EXOC6B: variants seen among roughly 807,000 people sequenced by gnomAD.
EXOC6B encodes SEC15 homolog B.
A neutral mutation model predicts 113.5 loss-of-function variants in EXOC6B; 54 were observed. The ratio of observed to expected loss-of-function variants is 0.48; its 90% CI spans 0.38 to 0.60. EXOC6B has a LOEUF of 0.60. EXOC6B is among the 20% of genes least tolerant of loss of function. EXOC6B has a pLI of 0.00. For synonymous variants in EXOC6B, 357 were observed against 339.0 expected (o/e 1.05, Z -0.58); for missense variants, 797 against 977.5 (o/e 0.82, Z 2.46).
chr2:72,696,588 G>A (rs143409077), intron 6 of EXOC6B, among the ~76,000 whole-genome samples: 318 of 152,278 alleles, frequency 2.1e-3, no homozygotes, highest in Non-Finnish European at 3.7e-3. Flanking sequence ...TGGAGACTGG[G>A]TTTGAAGAGG....
At chr2:72,534,736 G>A (rs1702188202) in intron 8 of EXOC6B, among the ~76,000 whole-genome samples, 1 of 152,076 alleles carries the variant, frequency 6.6e-6, no homozygotes, top group Non-Finnish European at 1.5e-5. Context: ...TGCAATTGCT[G>A]TCACTATAAG....
At chr2:72,461,097 C>G (rs983125622) in intron 18 of EXOC6B, among the ~76,000 whole-genome samples, 6 of 150,832 alleles carry the variant, frequency 4.0e-5, no homozygotes, top group Non-Finnish European at 7.4e-5. Context: ...TCTCAGTAAA[C>G]TATGGCAAGG....
At chr2:72,587,827 C>T (rs565143863) in intron 6 of EXOC6B, among the ~76,000 whole-genome samples, 8 of 150,788 alleles carry the variant, frequency 5.3e-5, no homozygotes, top group African/African-American at 1.7e-4. Flanking sequence ...AATGCAACAA[C>T]AACAACAAAA....
intron 8 of EXOC6B, among the ~76,000 whole-genome samples, chr2:72,541,591 A>G (rs1385831342): frequency 2.0e-5 from 3 of 152,202 alleles, no homozygotes; most frequent in Admixed American, 6.5e-5. Context: ...ATGGAAATGT[A>G]CAGGTTTTCT....
intron 8 of EXOC6B, among the ~76,000 whole-genome samples, chr2:72,520,142 A>G (rs1316628424): frequency 6.6e-6 from 1 of 152,306 alleles, no homozygotes; most frequent in South Asian, 2.1e-4. Context: ...TCCATGAGAA[A>G]AAGTCTCAGT....
At chr2:72,226,375 G>A (rs1438072347) in intron 20 of EXOC6B, among the ~76,000 whole-genome samples, 2 of 152,078 alleles carry the variant, frequency 1.3e-5, no homozygotes, top group South Asian at 2.1e-4. Flanking sequence ...GGGCACACAG[G>A]CACTCTTAAA....
chr2:72,401,582 CATATATAT>C lies in EXOC6B; in HGVS notation c.1981-21720_1981-21713del, dbSNP rs1197072759. On this transcript the variant is annotated intron_variant, in intron 18 of 21. Coordinates refer to ENST00000272427, the MANE Select transcript of EXOC6B (RefSeq NM_015189.3). ...ATATATATACATATATATATATATA[CATATATAT>C]ATATATATATATGTGTATATATATA... is the stretch of plus-strand genomic sequence containing the variant. 1.4e-3 allele frequency among the ~76,000 whole-genome samples: 25 copies of C among 18,434 alleles called. 1 individual carries two copies. Among genetic ancestry groups the C allele is most frequent in the East Asian group, 2.8e-3 (2 of 710 alleles). The allele number at this position is 18,434 out of a possible 152,430, so 12.1% of individuals were successfully genotyped here.
At chr2:72,307,161 G>GTTTTTTTTTTTTTTTT (rs1553371308) in intron 20 of EXOC6B, among the ~76,000 whole-genome samples, 2 of 128,494 alleles carry the variant, frequency 1.6e-5, no homozygotes, top group African/African-American at 7.6e-5. Context: ...GTATAGTCCA[G>GTTTTTTTTTTTTTTTT]TTTTTTTTTT....
chr2:72,512,562 G>T (rs1328119645), intron 11 of EXOC6B, among the ~76,000 whole-genome samples: 1 of 151,946 alleles, frequency 6.6e-6, no homozygotes, highest in East Asian at 1.9e-4. Context: ...AGAACATTGG[G>T]CAGCTTAATA....
chr2:72,390,743 G>A (rs189166575), intron 18 of EXOC6B, among the ~76,000 whole-genome samples: 179 of 152,224 alleles, frequency 1.2e-3, no homozygotes, highest in Non-Finnish European at 2.1e-3. Context: ...CTTCAGTTCA[G>A]TGGGGCCTTC....
At chr2:72,591,691 C>T (rs1705975348) in intron 6 of EXOC6B, among the ~76,000 whole-genome samples, 1 of 152,152 alleles carries the variant, frequency 6.6e-6, no homozygotes, top group East Asian at 1.9e-4. Flanking sequence ...GGTTCCTATA[C>T]ATCCTCCTAA....
rs572386563 is a variant in EXOC6B, at chr2:72,367,111, T to C, written c.2122+12618A>G. On this transcript the variant is annotated intron_variant, in intron 19 of 21. Transcript: ENST00000272427. ...ATAATGTATTGTGGGGTTTATAGAC[T>C]ATGTAGAAGTAATATGTATAACAAC... Among the ~76,000 whole-genome samples the C allele has an allele frequency of 2.7e-4, 41 of 152,262 alleles. No homozygotes were observed. In the South Asian group the frequency reaches 5.4e-3, roughly 20 times the overall value.
intron 20 of EXOC6B, among the ~76,000 whole-genome samples, chr2:72,189,550 G>T (rs1333848876): frequency 1.3e-5 from 2 of 152,114 alleles, no homozygotes; most frequent in Non-Finnish European, 2.9e-5. Context: ...ATCCAGTGAG[G>T]ATTCTTGCCT....
chr2:72,655,988 T>C (rs1252275459), intron 6 of EXOC6B, among the ~76,000 whole-genome samples: 1 of 152,116 alleles, frequency 6.6e-6, no homozygotes, highest in Non-Finnish European at 1.5e-5. Context: ...AAATTAGAAA[T>C]AGAATGTAAT....
intron 6 of EXOC6B, among the ~76,000 whole-genome samples, chr2:72,711,898 T>G (rs1480585322): frequency 6.6e-6 from 1 of 152,118 alleles, no homozygotes; most frequent in Non-Finnish European, 1.5e-5. Flanking sequence ...AGTGAACAAC[T>G]TGAAGTTTAT....
At chr2:72,613,942 T>TGTA (rs1671233575) in intron 6 of EXOC6B, among the ~76,000 whole-genome samples, 2 of 152,178 alleles carry the variant, frequency 1.3e-5, no homozygotes, top group South Asian at 4.1e-4. Context: ...GAAATTCAAA[T>TGTA]TTCAGTGTAT....
At chr2:72,428,288 C>G (rs970419441) in intron 18 of EXOC6B, among the ~76,000 whole-genome samples, 4 of 152,192 alleles carry the variant, frequency 2.6e-5, no homozygotes, top group Admixed American at 6.5e-5. Context: ...GAGCTGTGGC[C>G]CTTGGGGGAA....
At chr2:72,280,788 C>T (rs1035950143) in intron 20 of EXOC6B, among the ~76,000 whole-genome samples, 5 of 151,890 alleles carry the variant, frequency 3.3e-5, no homozygotes, top group Admixed American at 1.3e-4. Context: ...ATGCCACATA[C>T]CATATATTTT....
chr2:72,515,355 T>C (rs1701158166), intron 8 of EXOC6B: 1 of 1,039,318 alleles, frequency 9.6e-7, no homozygotes, highest in Non-Finnish European at 1.3e-6. Flanking sequence ...ACAAGGAACC[T>C]ACCAGAACTT....
Sources: allele counts gnomAD v4.1 joint callset (sites outside exome capture counted in the v4.1 genomes callset), GRCh38; gene constraint gnomAD v4.1.1; transcripts MANE v1.5; gene names NCBI Gene and HGNC (gene_info 2026-07-23, HGNC 2026-07-21).